Variants in TACR1 observed in about 807,000 individuals in gnomAD.
The protein encoded by TACR1 is substance-P receptor.
Under a neutral mutation model 35.8 loss-of-function variants are expected in TACR1, and 25 were observed. The observed-to-expected ratio is 0.70, with a 90% CI of 0.51 to 0.98. The LOEUF is 0.98. Ranked by LOEUF, TACR1 falls within the 50% of genes least tolerant of loss-of-function variation. TACR1 has a pLI of 0.00. For synonymous variants in TACR1, 195 were observed against 206.7 expected (o/e 0.94, Z 0.48); for missense variants, 478 against 522.9 (o/e 0.91, Z 0.84).
intron 1 of TACR1, among the ~76,000 whole-genome samples, chr2:75,129,473 C>T (rs1674138844): frequency 6.6e-6 from 1 of 152,028 alleles, no homozygotes; most frequent in Non-Finnish European, 1.5e-5. Context: ...AATAAATTGT[C>T]GTTGAATGGA....
intron 2 of TACR1, among the ~76,000 whole-genome samples, chr2:75,069,575 A>G (rs1167159032): frequency 6.6e-6 from 1 of 152,078 alleles, no homozygotes; most frequent in African/African-American, 2.4e-5. Context: ...TTTTTCTCTA[A>G]TTGTTTTTCT....
chr2:75,117,811 A>C (rs1255281888), intron 2 of TACR1, among the ~76,000 whole-genome samples: 1 of 152,224 alleles, frequency 6.6e-6, no homozygotes, highest in Non-Finnish European at 1.5e-5. Flanking sequence ...TGACTATCTC[A>C]TGTAATTTAT....
At chr2:75,134,909 A>G (rs1312768657) in intron 1 of TACR1, among the ~76,000 whole-genome samples, 2 of 152,230 alleles carry the variant, frequency 1.3e-5, no homozygotes, top group Admixed American at 6.5e-5. Flanking sequence ...GTGAGGAAAG[A>G]CAAGGTCTCA....
intron 2 of TACR1, among the ~76,000 whole-genome samples, chr2:75,089,026 A>C (rs760583905): frequency 2.0e-5 from 3 of 152,108 alleles, no homozygotes; most frequent in Non-Finnish European, 4.4e-5. Flanking sequence ...ATCTGATTAT[A>C]GTGGTTTCTA....
chr2:75,134,635 G>A (rs1674244735), intron 1 of TACR1, among the ~76,000 whole-genome samples: 1 of 152,174 alleles, frequency 6.6e-6, no homozygotes, highest in Non-Finnish European at 1.5e-5. Context: ...ATACTTTCTA[G>A]GAGAAGGCCA....
chr2:75,116,678 G>A (rs756017555), intron 2 of TACR1, among the ~76,000 whole-genome samples: 1 of 152,130 alleles, frequency 6.6e-6, no homozygotes, highest in Non-Finnish European at 1.5e-5. Flanking sequence ...GGAGGGCAAG[G>A]CCGGCGGATC....
chr2:75,185,505 T>A (rs1231267511), intron 1 of TACR1, among the ~76,000 whole-genome samples: 2 of 152,090 alleles, frequency 1.3e-5, no homozygotes, highest in Non-Finnish European at 2.9e-5. Context: ...CAACCTACAG[T>A]TTCTGCAATT....
At chr2:75,110,547 A>T (rs1418378936) in intron 2 of TACR1, among the ~76,000 whole-genome samples, 4 of 152,010 alleles carry the variant, frequency 2.6e-5, no homozygotes, top group African/African-American at 9.7e-5. Flanking sequence ...AATATACTTT[A>T]TGAAACATAC....
intron 2 of TACR1, among the ~76,000 whole-genome samples, chr2:75,083,356 G>A (rs1160418790): frequency 6.6e-6 from 1 of 152,160 alleles, no homozygotes; most frequent in Non-Finnish European, 1.5e-5. Context: ...AAGTCAGGTA[G>A]CGTGATGCCT....
At chr2:75,137,728 C>CA (rs11326632) in intron 1 of TACR1, among the ~76,000 whole-genome samples, 2,225 of 47,542 alleles carry the variant, frequency 0.047, 249 homozygotes, top group Admixed American at 0.11. Context: ...GTCTCCGTCT[C>CA]AAAAAAAAAA....
intron 1 of TACR1, among the ~76,000 whole-genome samples, chr2:75,164,338 A>G (rs1675086741): frequency 6.6e-6 from 1 of 151,692 alleles, no homozygotes; most frequent in Non-Finnish European, 1.5e-5. Context: ...AAAAAAAAAA[A>G]AAGAAAAAGC....
intron 2 of TACR1, among the ~76,000 whole-genome samples, chr2:75,093,038 C>A (rs996221043): frequency 6.6e-6 from 1 of 152,064 alleles, no homozygotes; most frequent in Non-Finnish European, 1.5e-5. Context: ...ATTAATCATC[C>A]GCCAGTGGGA....
intron 2 of TACR1, among the ~76,000 whole-genome samples, chr2:75,085,958 C>T (rs1267178507): frequency 2.0e-5 from 3 of 152,212 alleles, no homozygotes; most frequent in Non-Finnish European, 4.4e-5. Context: ...GATTAGTTGG[C>T]ACTACCCAGT....
intron 1 of TACR1, among the ~76,000 whole-genome samples, chr2:75,128,596 C>G (rs747091226): frequency 1.3e-5 from 2 of 152,146 alleles, no homozygotes; most frequent in Admixed American, 1.3e-4. Context: ...AATGCTACCC[C>G]TCAGGGGTGG....
At chr2:75,155,969 G>T (rs745993693) in intron 1 of TACR1, among the ~76,000 whole-genome samples, 12 of 151,990 alleles carry the variant, frequency 7.9e-5, no homozygotes, top group African/African-American at 1.2e-4. Flanking sequence ...ATTTTTAAAT[G>T]ATTGAAAAAA....
At chr2:75,053,896 A>AGT in intron 2 of TACR1, 141 bp from the exon 3 acceptor site, 1 of 1,108,718 alleles carries the variant, frequency 9.0e-7, no homozygotes, top group Middle Eastern at 2.5e-4. Context: ...TGTAAAGCCC[A>AGT]CTCCAGGGAG....
intron 1 of TACR1, among the ~76,000 whole-genome samples, chr2:75,147,940 G>C (rs996638447): frequency 6.6e-6 from 1 of 151,672 alleles, no homozygotes; most frequent in Non-Finnish European, 1.5e-5. Context: ...TAGAGATGGG[G>C]TTTCAACGTG....
At chr2:75,160,953 A>C (rs1398062190) in intron 1 of TACR1, among the ~76,000 whole-genome samples, 1 of 151,736 alleles carries the variant, frequency 6.6e-6, no homozygotes, top group African/African-American at 2.4e-5. Context: ...TAAAGGAAAA[A>C]TATCAGGCTG....
intron 2 of TACR1, among the ~76,000 whole-genome samples, chr2:75,070,108 T>C (rs1280822019): frequency 1.3e-5 from 2 of 152,220 alleles, no homozygotes; most frequent in East Asian, 3.8e-4. Context: ...TCATGAAATT[T>C]ATTATATATT....
Sources: gnomAD v4.1 joint callset for allele counts (sites outside exome capture counted in the v4.1 genomes callset) on GRCh38, gnomAD v4.1.1 for gene constraint, MANE v1.5 for transcripts, NCBI Gene and HGNC (gene_info 2026-07-23, HGNC 2026-07-21) for gene names.